Variants in MCPH1 observed in about 807,000 individuals in gnomAD.
The protein encoded by MCPH1 is microcephalin.
MCPH1 carries 104 observed loss-of-function variants against 84.5 expected under a neutral mutation model. The ratio of observed to expected loss-of-function variants is 1.23; its 90% CI spans 1.05 to 1.45. MCPH1 has a LOEUF of 1.45. Among genes scored for constraint, MCPH1 ranks in the 40% most tolerant of loss-of-function variants. The probability of loss-of-function intolerance (pLI) is 0.00; values close to 1 mark genes in which losing one functional copy is unlikely to be tolerated. For synonymous variants in MCPH1, 514 were observed against 366.8 expected (o/e 1.40, Z -4.58); for missense variants, 1,498 against 1,005.7 (o/e 1.49, Z -6.62).
chr8:6,505,385 C>A (rs10595687), intron 12 of MCPH1, among the ~76,000 whole-genome samples: 899 of 45,444 alleles, frequency 0.02, 145 homozygotes, highest in African/African-American at 0.059. Flanking sequence ...TATATTCTTT[C>A]TATATGTATA....
chr8:6,534,774 T>C (rs1820198348), intron 12 of MCPH1, among the ~76,000 whole-genome samples: 1 of 152,248 alleles, frequency 6.6e-6, no homozygotes, highest in African/African-American at 2.4e-5. Context: ...TCAGGCTTTT[T>C]AGTGTGTGTG....
chr8:6,447,674 C>T (rs1275920112), intron 8 of MCPH1, among the ~76,000 whole-genome samples: 3 of 152,204 alleles, frequency 2.0e-5, no homozygotes, highest in African/African-American at 4.8e-5. Flanking sequence ...CTCAGCCTCC[C>T]GAGTAACTGG....
rs1831408811 is a variant in MCPH1, at chr8:6,621,492, C to T, written c.2253C>T (p.Tyr751=). The change falls in exon 13 of 14, where the codon TAC becomes TAT. Residue 751 remains tyrosine, a synonymous_variant. Coordinates refer to ENST00000344683, the MANE Select transcript of MCPH1 (RefSeq NM_024596.5). Reference sequence around the variant, plus strand: ...AGTGCCACTTGTCTGCAGGGCCGTACCGCGGAACCCTCTTTGCCGACCAGC... The same window carrying T: ...AGTGCCACTTGTCTGCAGGGCCGTATCGCGGAACCCTCTTTGCCGACCAGC... ...RSECHLSAGP[Y]RGTLFADQPA... 6.2e-7 allele frequency: 1 copy of T among 1,614,024 alleles called. No homozygotes were observed. The highest frequency in any genetic ancestry group is 1.7e-5 in the Admixed American group (1 of 60,008).
intron 11 of MCPH1, among the ~76,000 whole-genome samples, chr8:6,491,217 A>G (rs1463062860): frequency 1.3e-5 from 2 of 151,534 alleles, no homozygotes. Context: ...TGAAAAGACA[A>G]TTTAATTTTT....
At chr8:6,432,037 C>T (rs192303993) in intron 4 of MCPH1, among the ~76,000 whole-genome samples, 168 of 152,326 alleles carry the variant, frequency 1.1e-3, no homozygotes, top group Non-Finnish European at 1.8e-4. Flanking sequence ...GGATCAGTTC[C>T]GGGACCCCCA....
intron 12 of MCPH1, chr8:6,508,566 G>T (rs1814266892): frequency 2.4e-6 from 1 of 408,406 alleles, no homozygotes. Context: ...TATTACTGTT[G>T]TGGTTGCTAC....
Position 6,509,095 on chromosome 8 carries a change from C to G in MCPH1, c.2214+9166C>G, listed in dbSNP as rs375795712. On this transcript the variant is annotated intron_variant, in intron 12 of 13. Transcript: ENST00000344683. ...CGTGCAAAGAAAAAAAACACATTGG[C>G]TAGGGTCATTGATTTACCGTAGTGG... is the stretch of plus-strand genomic sequence containing the variant. The G allele has an allele frequency of 3.7e-6, 6 of 1,604,102 alleles. No individual in the cohort carries two copies. The African/African-American group carries it at 5.4e-5, about 14-fold the overall frequency.
chr8:6,519,897 C>G (rs753656054), intron 12 of MCPH1: 1 of 1,614,040 alleles, frequency 6.2e-7, no homozygotes. Flanking sequence ...GGAATGTTAA[C>G]GTGTAGATGC....
intron 12 of MCPH1, among the ~76,000 whole-genome samples, chr8:6,581,997 G>A (rs1827602758): frequency 6.6e-6 from 1 of 152,184 alleles, no homozygotes; most frequent in African/African-American, 2.4e-5. Flanking sequence ...CCACCTCCCA[G>A]TACTCTTGCA....
chr8:6,472,058 G>A (rs2442491), intron 9 of MCPH1, among the ~76,000 whole-genome samples: 120,361 of 152,208 alleles, frequency 0.79, 48,252 homozygotes, highest in Admixed American at 0.85. Flanking sequence ...TCTAGATACA[G>A]CATCTAGAAA....
At chr8:6,557,108 A>G (rs944606383) in intron 12 of MCPH1, among the ~76,000 whole-genome samples, 1 of 152,058 alleles carries the variant, frequency 6.6e-6, no homozygotes, top group African/African-American at 2.4e-5. Context: ...GCCCAAATTC[A>G]TGTTCATTCA....
At chr8:6,568,656 G>T (rs576073276) in intron 12 of MCPH1, among the ~76,000 whole-genome samples, 5 of 152,318 alleles carry the variant, frequency 3.3e-5, no homozygotes, top group Admixed American at 1.3e-4. Flanking sequence ...ACATGGAAAG[G>T]GCTCAGACAC....
At chr8:6,628,806 T>A (rs1350997845) in intron 13 of MCPH1, among the ~76,000 whole-genome samples, 1 of 152,230 alleles carries the variant, frequency 6.6e-6, no homozygotes, top group Non-Finnish European at 1.5e-5. Context: ...TAAAAGAAAC[T>A]TCAAAGCTCA....
chr8:6,508,891 T>C, intron 12 of MCPH1: 1 of 1,613,700 alleles, frequency 6.2e-7, no homozygotes, highest in Non-Finnish European at 8.5e-7. Flanking sequence ...ATGAAATCAT[T>C]CCTTGCCAAT....
At chr8:6,604,137 T>C (rs1231079035) in intron 12 of MCPH1, among the ~76,000 whole-genome samples, 1 of 152,106 alleles carries the variant, frequency 6.6e-6, no homozygotes, top group East Asian at 1.9e-4. Flanking sequence ...CTTCCCTGTC[T>C]CATCTAGCTC....
intron 13 of MCPH1, among the ~76,000 whole-genome samples, chr8:6,640,081 TGTGTGTGTGTGTGTGTGCGC>T (rs1797834852): frequency 6.9e-6 from 1 of 144,586 alleles, no homozygotes; most frequent in Admixed American, 6.9e-5. Context: ...TGTGTGTGTG[TGTGTGTGTGTGTGTGTGCGC>T]GCGCGTGTGT....
At chr8:6,416,716 G>A (rs983606777) in intron 3 of MCPH1, among the ~76,000 whole-genome samples, 4 of 152,134 alleles carry the variant, frequency 2.6e-5, no homozygotes, top group Non-Finnish European at 4.4e-5. Context: ...GGAACAGGCC[G>A]GATGCGGTGG....
At position 6,442,009 on chromosome 8, in the gene MCPH1, T is replaced by G. The variant is rs1803582555; in HGVS notation, c.581-58T>G. 3.4e-6 allele frequency: 4 copies of G among 1,186,506 alleles called. No individual in the cohort carries two copies. In the Admixed American group the frequency reaches 6.8e-5, roughly 20 times the overall value. The allele number at this position is 1,186,506 out of a possible 1,614,324, so 73.5% of individuals were successfully genotyped here. ...TTAATAGGAGGACTTCCTGCTGGCT[T>G]CATCTGCTAAGAAATACTGAAACTT... On this transcript the variant is annotated intron_variant, in intron 6 of 13. Transcript: ENST00000344683.
chr8:6,535,966 A>C (rs1157462826), intron 12 of MCPH1, among the ~76,000 whole-genome samples: 1 of 152,010 alleles, frequency 6.6e-6, no homozygotes, highest in Non-Finnish European at 1.5e-5. Flanking sequence ...CTGAGGTGGG[A>C]GGACTGCTTG....
Sources: allele counts gnomAD v4.1 joint callset (sites outside exome capture counted in the v4.1 genomes callset), GRCh38; gene constraint gnomAD v4.1.1; transcripts MANE v1.5; gene names NCBI Gene and HGNC (gene_info 2026-07-23, HGNC 2026-07-21).